CEP89: variants seen among roughly 807,000 people sequenced by gnomAD.
The protein encoded by CEP89 is centrosomal protein 89.
A neutral mutation model predicts 97.6 loss-of-function variants in CEP89; 95 were observed. That is an observed-to-expected ratio of 0.97 (90% CI 0.82 to 1.15). CEP89 has a LOEUF of 1.15. Ranked by LOEUF, CEP89 falls within the 50% of genes most tolerant of loss-of-function variation. The pLI, the probability that CEP89 is intolerant of heterozygous loss-of-function variation, is 0.00. For missense variants in CEP89, 869 were observed against 947.7 expected, an observed-to-expected ratio of 0.92 and a Z score of 1.09; for synonymous variants, 354 against 349.1, an observed-to-expected ratio of 1.01 and a Z score of -0.16.
At chr19:32,906,733 T>C (rs1273452953) in intron 14 of CEP89, among the ~76,000 whole-genome samples, 3 of 149,134 alleles carry the variant, frequency 2.0e-5, no homozygotes, top group Non-Finnish European at 4.5e-5. Flanking sequence ...ATATAAATAC[T>C]AATAGTTACA....
chr19:32,903,354 G>A (rs137949246), intron 14 of CEP89, among the ~76,000 whole-genome samples: 22 of 152,196 alleles, frequency 1.4e-4, no homozygotes, highest in Non-Finnish European at 2.6e-4. Flanking sequence ...AATCAAGCAT[G>A]AGAATAAGCA....
chr19:32,945,647 T>C (rs1970781535), intron 5 of CEP89, among the ~76,000 whole-genome samples: 1 of 152,200 alleles, frequency 6.6e-6, no homozygotes, highest in African/African-American at 2.4e-5. Flanking sequence ...TGGCTCTTCC[T>C]TCCATGCATT....
In CEP89 at chr19:32,899,867, A is replaced by C. The variant is rs958466118; in HGVS notation, c.1865T>G (p.Leu622Arg). Residue 622 changes from leucine (L) to arginine (R), a missense_variant, in exon 16 of 19, where the codon CTT (leucine) becomes CGT (arginine). Transcript: ENST00000305768. ...AENITQERDS[L>R]MCLAKCLESE... ...CTTCAGGAAACTTACCAAACACATA[A>C]GACTGTCACGTTCCTGGGTTATGTT... 6.2e-7 allele frequency: 1 copy of C among 1,613,792 alleles called. No homozygotes were observed. Among genetic ancestry groups the C allele is most frequent in the African/African-American group, 1.3e-5 (1 of 75,024 alleles).
At chr19:32,880,640 A>T (rs73926172) in intron 18 of CEP89, among the ~76,000 whole-genome samples, 38 of 3,474 alleles carry the variant, frequency 0.011, no homozygotes, top group African/African-American at 0.042. Flanking sequence ...CCTTGTATTT[A>T]AAAAAAAAAA....
Position 32,901,395 on chromosome 19 carries a change from T to A in CEP89, c.1583A>T (p.Glu528Val). The A allele has an allele frequency of 3.1e-6, 5 of 1,612,270 alleles. No individual in the cohort carries two copies. The highest frequency in any genetic ancestry group is 4.2e-6 in the Non-Finnish European group (5 of 1,179,602). The stretch of plus-strand genomic sequence containing the variant: ...CTCCATCTCAGCCCTTTCTTTCTCT[T>A]CTTCCTTCTGTAATTGGCTGAAGGA... ...NELKSQLQKE[E>V]EKERAEMEEL... is the part of the protein sequence containing the mutation. The change falls in exon 15 of 19, where the codon GAA (glutamate) becomes GTA (valine). Residue 528 changes from glutamate to valine, a missense_variant. Physicochemically the swap from Glu to Val is moderately radical, Grantham distance 121. Coordinates refer to ENST00000305768, the MANE Select transcript of CEP89 (RefSeq NM_032816.5).
intron 14 of CEP89, 40 bp from the exon 15 acceptor site, chr19:32,901,452 T>A (rs1327877141): frequency 6.3e-7 from 1 of 1,590,172 alleles, no homozygotes; most frequent in South Asian, 1.1e-5. Context: ...TCCAGCACAA[T>A]GAAGCTAAAA....
intron 14 of CEP89, among the ~76,000 whole-genome samples, chr19:32,903,685 A>G (rs1227586943): frequency 6.6e-6 from 1 of 152,188 alleles, no homozygotes; most frequent in Admixed American, 6.5e-5. Flanking sequence ...AAGCCCAGAG[A>G]GAAACAAGTG....
intron 17 of CEP89, among the ~76,000 whole-genome samples, chr19:32,885,512 G>A (rs1432387089): frequency 2.6e-5 from 4 of 152,138 alleles, no homozygotes; most frequent in African/African-American, 9.7e-5. Context: ...GTAGAGACTG[G>A]GGTCTCCCTA....
intron 16 of CEP89, among the ~76,000 whole-genome samples, chr19:32,889,396 C>T (rs552510706): frequency 7.2e-5 from 11 of 152,288 alleles, no homozygotes; most frequent in African/African-American, 2.6e-4. Context: ...GAAAGCAGCT[C>T]TCCCACACCC....
chr19:32,963,910 ACACACACACG>A (rs1237056962), intron 2 of CEP89: 2 of 147,264 alleles, frequency 1.4e-5, no homozygotes, highest in Non-Finnish European at 3.0e-5. Context: ...ACACACACAC[ACACACACACG>A]CACTCACACG....
Position 32,879,391 on chromosome 19 carries a change from A to C in CEP89, c.2136-13T>G, listed in dbSNP as rs773874712. 1 of 1,604,322 alleles carries C rather than the reference A, an allele frequency of 6.2e-7. No homozygotes were observed. Among genetic ancestry groups the C allele is most frequent in the Admixed American group, 1.7e-5 (1 of 59,898 alleles). ...ACCTTCCATTTCTCTGAGGGAAATA[A>C]GTTTAAAATGGCACAATTTTAAAAA... On this transcript the variant is annotated splice_polypyrimidine_tract_variant and intron_variant, in intron 18 of 18. Transcript: ENST00000305768.
chr19:32,909,227 G>C (rs2404982), intron 14 of CEP89, among the ~76,000 whole-genome samples: 38,532 of 152,136 alleles, frequency 0.25, 5,265 homozygotes, highest in Admixed American at 0.34. Flanking sequence ...CTTTTGGGGA[G>C]AGCTAAAGAT....
chr19:32,933,078 C>A (rs1037647463), intron 8 of CEP89, among the ~76,000 whole-genome samples: 1 of 151,902 alleles, frequency 6.6e-6, no homozygotes, highest in African/African-American at 2.4e-5. Flanking sequence ...TTTTTTTAAC[C>A]TATAAAAGTA....
At chr19:32,931,246 T>C in intron 9 of CEP89, 183 bp downstream of exon 9, 4 of 572,158 alleles carry the variant, frequency 7.0e-6, no homozygotes, top group Non-Finnish European at 1.2e-5. Context: ...TTATTGCCTT[T>C]ATTACGGGGA....
chr19:32,945,185 G>C (rs1385621175), intron 5 of CEP89, among the ~76,000 whole-genome samples: 1 of 151,722 alleles, frequency 6.6e-6, no homozygotes, highest in East Asian at 1.9e-4. Flanking sequence ...TCAGGAGGCT[G>C]AGGCAGGAGA....
intron 16 of CEP89, among the ~76,000 whole-genome samples, chr19:32,890,683 G>A (rs77001430): frequency 0.02 from 3,107 of 152,158 alleles, 113 homozygotes; most frequent in African/African-American, 0.071. Flanking sequence ...ATCCCCAGGG[G>A]TCCACATTCT....
chr19:32,922,586 G>C (rs139736258), intron 12 of CEP89, among the ~76,000 whole-genome samples: 1 of 151,782 alleles, frequency 6.6e-6, no homozygotes, highest in Non-Finnish European at 1.5e-5. Context: ...AGTGGCTCAC[G>C]CCTATAATCC....
chr19:32,931,312 G>A, intron 9 of CEP89, 117 bp downstream of exon 9: 1 of 929,110 alleles, frequency 1.1e-6, no homozygotes, highest in Non-Finnish European at 1.6e-6. Context: ...TTGTGCCTTG[G>A]ACAGAGCTTT....
chr19:32,881,168 G>T (rs1568541293), intron 18 of CEP89, among the ~76,000 whole-genome samples: 1 of 152,180 alleles, frequency 6.6e-6, no homozygotes, highest in Non-Finnish European at 1.5e-5. Context: ...GGGCACAGTG[G>T]CTCATGCTTG....
Sources: gnomAD v4.1 joint callset for allele counts (sites outside exome capture counted in the v4.1 genomes callset) on GRCh38, gnomAD v4.1.1 for gene constraint, MANE v1.5 for transcripts, NCBI Gene and HGNC (gene_info 2026-07-23, HGNC 2026-07-21) for gene names.